The following SUPT6H variants were observed in gnomAD, a reference collection of about 807,000 sequenced individuals.
SUPT6H encodes the protein transcription elongation factor SPT6.
A neutral mutation model predicts 222.3 loss-of-function variants in SUPT6H; 11 were observed. The ratio of observed to expected loss-of-function variants is 0.05; its 90% CI spans 0.03 to 0.08. The LOEUF (loss-of-function observed/expected upper bound fraction) is 0.08, where lower values mean the gene tolerates loss of function less well. SUPT6H is among the 10% of genes least tolerant of loss of function. The probability of loss-of-function intolerance (pLI) is 1.00; values close to 1 mark genes in which losing one functional copy is unlikely to be tolerated. For synonymous variants in SUPT6H, 762 were observed against 801.2 expected, an observed-to-expected ratio of 0.95 and a Z score of 0.83; for missense variants, 1,422 against 2,216.0, an observed-to-expected ratio of 0.64 and a Z score of 7.19.
At chr17:28,681,784 C>T (rs2151631958) in intron 12 of SUPT6H, 98 bp from the exon 13 acceptor site, 1 of 1,056,318 alleles carries the variant, frequency 9.5e-7, no homozygotes, top group Non-Finnish European at 1.4e-6. Context: ...GAAGGAGGCC[C>T]TTGGCTGGGT....
At position 28,662,236 on chromosome 17, in the gene SUPT6H, A is replaced by AG. The variant is rs2072065144; in HGVS notation, c.-134dup. The AG allele has an allele frequency of 4.8e-6, 1 of 210,126 alleles. No homozygotes were observed. The highest frequency in any genetic ancestry group is 2.3e-5 in the African/African-American group (1 of 43,252). The allele number at this position is 210,126 out of a possible 1,614,324, so 13.0% of individuals were successfully genotyped here. A position where few individuals can be genotyped will look rare whatever the true frequency, so the allele number is the denominator to read the frequency against. On this transcript the variant is annotated 5_prime_UTR_variant, in exon 1 of 37. Coordinates refer to ENST00000314616, the MANE Select transcript of SUPT6H (RefSeq NM_003170.5). Reference sequence around the variant, plus strand: ...GCAGCAGCGGCGGCGGTGGCGGCGGAGGGGCCGTGCGGTGGGTCCGTACTA... The same window carrying AG: ...GCAGCAGCGGCGGCGGTGGCGGCGGAGGGGGCCGTGCGGTGGGTCCGTACTA...
rs376418237 is a variant in SUPT6H, at chr17:28,677,796, A to C, written c.979A>C (p.Thr327Pro). Residue 327 changes from threonine to proline, a missense_variant, in exon 8 of 37, where the codon ACA becomes CCA. By Grantham distance (38) the Thr-to-Pro change is conservative. Coordinates refer to ENST00000314616, the MANE Select transcript of SUPT6H (RefSeq NM_003170.5). ...ADWIYRNAFATPTISLQESCD... is the reference protein window; with the variant it reads ...ADWIYRNAFAPPTISLQESCD... Reference sequence around the variant, plus strand: ...CTGGATCTACAGGAATGCTTTTGCCACACCAACCATTTCTCTCCAGGTACA... The same window carrying C: ...CTGGATCTACAGGAATGCTTTTGCCCCACCAACCATTTCTCTCCAGGTACA... 104 of 1,614,074 alleles carry C rather than the reference A, an allele frequency of 6.4e-5. No homozygotes were observed. In the African/African-American group the frequency reaches 1.1e-3, roughly 17 times the overall value.
At chr17:28,701,277 C>T (rs1002237360) in intron 36 of SUPT6H, 149 bp downstream of exon 36, 9 of 1,396,142 alleles carry the variant, frequency 6.4e-6, no homozygotes, top group South Asian at 1.3e-5. Context: ...TGGGTGAAGA[C>T]GGAAGAGGGC....
chr17:28,680,304 CAAA>C (rs1325132645), intron 11 of SUPT6H, among the ~76,000 whole-genome samples: 2 of 149,546 alleles, frequency 1.3e-5, no homozygotes, highest in Non-Finnish European at 3.0e-5. Flanking sequence ...AACTCCATCT[CAAA>C]AGAAGAGAGG....
chr17:28,679,618 G>A (rs933658898), intron 11 of SUPT6H, among the ~76,000 whole-genome samples: 26 of 151,886 alleles, frequency 1.7e-4, no homozygotes, highest in African/African-American at 5.8e-4. Flanking sequence ...CTGACCTCGT[G>A]ATCTGCCCGC....
At chr17:28,667,396 T>A (rs1266736512) in intron 1 of SUPT6H, among the ~76,000 whole-genome samples, 52 of 52,790 alleles carry the variant, frequency 9.9e-4, no homozygotes, top group African/African-American at 1.5e-3. Flanking sequence ...AAAAAAAAAG[T>A]GTGTGTGTGT....
In SUPT6H at chr17:28,699,847, T is replaced by C; in HGVS notation, c.4515T>C (p.Asn1505=). 3 of 1,614,208 alleles carry C rather than the reference T, an allele frequency of 1.9e-6. No individual in the cohort carries two copies. The highest frequency in any genetic ancestry group is 1.1e-5 in the South Asian group (1 of 91,086). The part of the protein sequence containing the change: ...RYRGQIFPTV[N]GLFRWFKDHY... Reference sequence around the variant, plus strand: ...GGGGCCAGATCTTCCCAACCGTGAATGGACTGTTTAGATGGTTTAAGGATC... The same window carrying C: ...GGGGCCAGATCTTCCCAACCGTGAACGGACTGTTTAGATGGTTTAAGGATC... The change falls in exon 33 of 37, where the codon AAT becomes AAC. Residue 1505 remains asparagine (N), a synonymous_variant. Coordinates refer to ENST00000314616, the MANE Select transcript of SUPT6H (RefSeq NM_003170.5).
chr17:28,677,263 A>G (rs2030804927), intron 7 of SUPT6H, among the ~76,000 whole-genome samples: 1 of 152,002 alleles, frequency 6.6e-6, no homozygotes. Flanking sequence ...TGCATCTGTA[A>G]TCCCAGTTAC....
At position 28,677,812 on chromosome 17, in the gene SUPT6H, T is replaced by C; in HGVS notation, c.995T>C (p.Leu332Pro). 1.2e-6 allele frequency: 2 copies of C among 1,613,620 alleles called. No individual in the cohort carries two copies. The highest frequency in any genetic ancestry group is 1.7e-6 in the Non-Finnish European group (2 of 1,179,618). Residue 332 changes from leucine (L) to proline (P), a missense_variant, in exon 8 of 37, where the codon CTC (leucine) becomes CCC (proline). Leu to Pro is a moderately conservative substitution (Grantham distance 98). Transcript: ENST00000314616. ...GCTTTTGCCACACCAACCATTTCTC[T>C]CCAGGTACACAAAAAAGATCCTTAG... ...RNAFATPTIS[L>P]QESCDYLDRG...
At chr17:28,694,396 C>T (rs2031804946) in intron 28 of SUPT6H, among the ~76,000 whole-genome samples, 1 of 152,202 alleles carries the variant, frequency 6.6e-6, no homozygotes, top group South Asian at 2.1e-4. Flanking sequence ...TATGTTGTCT[C>T]TAATCTCACA....
chr17:28,699,849 G>T lies in SUPT6H; in HGVS notation c.4517G>T (p.Gly1506Val), dbSNP rs1567706917. 2.5e-6 allele frequency: 4 copies of T among 1,614,100 alleles called. No homozygotes were observed. The highest frequency in any genetic ancestry group is 3.4e-6 in the Non-Finnish European group (4 of 1,180,032). The change falls in exon 33 of 37, where the codon GGA (glycine) becomes GTA (valine). Residue 1506 changes from glycine to valine, a missense_variant. Physicochemically the swap from Gly to Val is moderately radical, Grantham distance 109. Transcript: ENST00000314616. ...GGCCAGATCTTCCCAACCGTGAATG[G>T]ACTGTTTAGATGGTTTAAGGATCAC... Reference protein sequence around the residue: ...YRGQIFPTVNGLFRWFKDHYQ... With the variant: ...YRGQIFPTVNVLFRWFKDHYQ...
intron 7 of SUPT6H, 132 bp downstream of exon 7, chr17:28,676,562 C>T (rs1597694747): frequency 1.4e-6 from 2 of 1,380,460 alleles, no homozygotes; most frequent in African/African-American, 2.9e-5. Context: ...CCTGGGAAAT[C>T]CAGCTCTTAG....
chr17:28,671,819 T>G (rs1407786727), intron 1 of SUPT6H, among the ~76,000 whole-genome samples: 1 of 152,238 alleles, frequency 6.6e-6, no homozygotes, highest in Non-Finnish European at 1.5e-5. Context: ...TCAACTATCC[T>G]GTAAGGTAGG....
In SUPT6H at chr17:28,673,525, G is replaced by A; in HGVS notation, c.109+15G>A. The A allele has an allele frequency of 6.4e-7, 1 of 1,571,704 alleles. No homozygotes were observed. Among genetic ancestry groups the A allele is most frequent in the Admixed American group, 1.7e-5 (1 of 59,760 alleles). On this transcript the variant is annotated intron_variant, in intron 2 of 36. Coordinates refer to ENST00000314616, the MANE Select transcript of SUPT6H (RefSeq NM_003170.5). ...GGAGGATGATGGTGAGGAGGCCCCA[G>A]CCTCAAGCTTCTCCCCACTATTGCT...
chr17:28,673,341 T>G, intron 1 of SUPT6H, 30 bp from the exon 2 acceptor site: 1 of 1,424,130 alleles, frequency 7.0e-7, no homozygotes, highest in Non-Finnish European at 9.8e-7. Flanking sequence ...TGTGTCCGTT[T>G]TTTTATCCTT....
In SUPT6H at chr17:28,699,974, G is replaced by T. The variant is rs996391814; in HGVS notation, c.4561+81G>T. Reference sequence around the variant, plus strand: ...GACTCAGAGTAGTCCCAGCCTAGGGGACCAGGTGAGGAGTAGGCTGTCACT... The same window carrying T: ...GACTCAGAGTAGTCCCAGCCTAGGGTACCAGGTGAGGAGTAGGCTGTCACT... On this transcript the variant is annotated intron_variant, in intron 33 of 36. Coordinates refer to ENST00000314616, the MANE Select transcript of SUPT6H (RefSeq NM_003170.5). The T allele has an allele frequency of 5.9e-5, 85 of 1,440,642 alleles. No individual in the cohort carries two copies. In the Admixed American group the frequency reaches 1.4e-3, roughly 24 times the overall value. The allele number at this position is 1,440,642 out of a possible 1,614,324, so 89.2% of individuals were successfully genotyped here. A position where few individuals can be genotyped will look rare whatever the true frequency, so the allele number is the denominator to read the frequency against.
Position 28,700,204 on chromosome 17 carries a change from G to C in SUPT6H, c.4593G>C (p.Arg1531=). 1 of 1,614,164 alleles carries C rather than the reference G, an allele frequency of 6.2e-7. No homozygotes were observed. Among genetic ancestry groups the C allele is most frequent in the South Asian group, 1.1e-5 (1 of 91,074 alleles). Residue 1531 remains arginine (R), a synonymous_variant, in exon 34 of 37, where the codon CGG becomes CGC. Transcript: ENST00000314616. Reference sequence around the variant, plus strand: ...CCCCTAGCAGCAGCAGCAGGACCCGGACACCTGCCTCTATCAATGCTACCC... The same window carrying C: ...CCCCTAGCAGCAGCAGCAGGACCCGCACACCTGCCTCTATCAATGCTACCC... ...GITPSSSSRT[R]TPASINATPA...
chr17:28,676,031 G>T, intron 6 of SUPT6H, 126 bp from the exon 7 acceptor site: 1 of 1,113,380 alleles, frequency 9.0e-7, no homozygotes, highest in Middle Eastern at 2.6e-4. Context: ...AGTGAATATG[G>T]TTATTTTGTT....
At chr17:28,699,757 G>GGTT (rs1269312286) in intron 32 of SUPT6H, 24 bp from the exon 33 acceptor site, 8 of 1,603,520 alleles carry the variant, frequency 5.0e-6, no homozygotes, top group Non-Finnish European at 2.6e-6. Context: ...GGTTTCTGAT[G>GGTT]CATGTTTCCT....
Sources: gnomAD v4.1 joint callset for allele counts (sites outside exome capture counted in the v4.1 genomes callset) on GRCh38, gnomAD v4.1.1 for gene constraint, MANE v1.5 for transcripts, NCBI Gene and HGNC (gene_info 2026-07-23, HGNC 2026-07-21) for gene names.